The following KCNU1 variants were observed in gnomAD, a reference collection of about 807,000 sequenced individuals.
KCNU1 encodes potassium channel subfamily U member 1.
Under a neutral mutation model 126.8 loss-of-function variants are expected in KCNU1, and 93 were observed. The observed-to-expected ratio is 0.73, with a 90% CI of 0.62 to 0.87. KCNU1 has a LOEUF of 0.87. KCNU1 is among the 40% of genes least tolerant of loss of function. KCNU1 has a pLI of 0.00. For missense variants in KCNU1, 1,330 were observed against 1,367.1 expected (o/e 0.97, Z 0.43); for synonymous variants, 523 against 494.2 (o/e 1.06, Z -0.77).
intron 17 of KCNU1, 33 bp from the exon 18 acceptor site, chr8:36,845,769 A>G (rs538157374): frequency 5.9e-6 from 9 of 1,534,764 alleles, no homozygotes; most frequent in African/African-American, 2.7e-5. Context: ...TAAGACTCAC[A>G]TAATTCATTC....
chr8:36,831,831 G>A (rs1486474988), intron 10 of KCNU1, among the ~76,000 whole-genome samples: 1 of 151,050 alleles, frequency 6.6e-6, no homozygotes, highest in East Asian at 1.9e-4. Context: ...TGAAGTCCTT[G>A]CCCATGCCTG....
rs372023784 is a variant in KCNU1 at position 36,864,480 on chromosome 8, G to A, written c.1968G>A (p.Arg656=). 3.7e-6 allele frequency: 6 copies of A among 1,612,916 alleles called. No individual in the cohort carries two copies. The South Asian group carries it at 5.5e-5, about 15-fold the overall frequency. Residue 656 remains arginine, a synonymous_variant, in exon 19 of 27, where the codon AGG becomes AGA. Transcript: ENST00000399881. ...SRISGQDSPP[R]VSASTSSISN... is the part of the protein sequence containing the mutation. ...TATCAGGGCAGGATTCTCCGCCAAG[G>A]GTATCTGCAAGCACTTCGAGCATAT...
intron 13 of KCNU1, 31 bp downstream of exon 13, chr8:36,836,396 C>T: frequency 1.4e-6 from 2 of 1,385,188 alleles, no homozygotes; most frequent in Non-Finnish European, 2.0e-6. Flanking sequence ...ATTCCATCTC[C>T]TCCTTTTATC....
chr8:36,790,641 T>G (rs1032240495), intron 2 of KCNU1, among the ~76,000 whole-genome samples: 1 of 151,964 alleles, frequency 6.6e-6, no homozygotes, highest in Non-Finnish European at 1.5e-5. Context: ...AAGGAGAAAT[T>G]TAAACAGACC....
intron 19 of KCNU1, among the ~76,000 whole-genome samples, chr8:36,895,935 T>C (rs1181783969): frequency 1.3e-5 from 2 of 152,038 alleles, no homozygotes; most frequent in Admixed American, 6.6e-5. Flanking sequence ...TAGAATCTTA[T>C]GCTCTTGGAG....
chr8:36,894,692 C>T (rs534148629), intron 19 of KCNU1, among the ~76,000 whole-genome samples: 2 of 152,180 alleles, frequency 1.3e-5, no homozygotes, highest in Admixed American at 1.3e-4. Context: ...GAATAGTCTG[C>T]ATGGCACAAC....
intron 10 of KCNU1, among the ~76,000 whole-genome samples, chr8:36,825,516 A>ATTG (rs139703551): frequency 0.028 from 4,301 of 152,098 alleles, 292 homozygotes; most frequent in East Asian, 0.26. Flanking sequence ...CTTCCTTCCT[A>ATTG]TTATGATTTT....
chr8:36,815,617 C>G lies in KCNU1; in HGVS notation c.925C>G (p.Pro309Ala). 2.5e-6 allele frequency: 4 copies of G among 1,586,800 alleles called. No individual in the cohort carries two copies. The highest frequency in any genetic ancestry group is 3.4e-6 in the Non-Finnish European group (4 of 1,163,630). The change falls in exon 9 of 27, where the codon CCT (proline) becomes GCT (alanine). Residue 309 changes from proline to alanine, a missense_variant. Physicochemically the swap from Pro to Ala is conservative, Grantham distance 27 (BLOSUM62 -1). Coordinates refer to ENST00000399881, the MANE Select transcript of KCNU1 (RefSeq NM_001031836.3). ...GSLILFANYI[P>A]EMVELFANKR... Reference sequence around the variant, plus strand: ...TTAGATATTATTTGCGAACTATATACCTGAAATGGTGGAACTGTTTGCTAA... The same window carrying G: ...TTAGATATTATTTGCGAACTATATAGCTGAAATGGTGGAACTGTTTGCTAA...
chr8:36,843,920 G>C (rs376454687), intron 16 of KCNU1, among the ~76,000 whole-genome samples: 3 of 152,270 alleles, frequency 2.0e-5, no homozygotes, highest in Admixed American at 6.5e-5. Context: ...AGAGCAACCA[G>C]CCAAATCATA....
At chr8:36,838,102 A>ATATACATTCC (rs1804820807) in intron 14 of KCNU1, among the ~76,000 whole-genome samples, 1 of 152,246 alleles carries the variant, frequency 6.6e-6, no homozygotes, top group Non-Finnish European at 1.5e-5. Flanking sequence ...AAGAAATGGT[A>ATATACATTCC]GTCAGGGTGG....
chr8:36,908,307 G>T (rs960837691), intron 20 of KCNU1, among the ~76,000 whole-genome samples: 1 of 152,024 alleles, frequency 6.6e-6, no homozygotes, highest in Non-Finnish European at 1.5e-5. Flanking sequence ...GGAGACACAG[G>T]GGCATTGTTA....
Position 36,807,397 on chromosome 8 carries a change from G to C in KCNU1, c.603G>C (p.Leu201Phe), listed in dbSNP as rs1476049626. 6.2e-7 allele frequency: 1 copy of C among 1,613,430 alleles called. No homozygotes were observed. Among genetic ancestry groups the C allele is most frequent in the South Asian group, 1.1e-5 (1 of 91,070 alleles). Reference sequence around the variant, plus strand: ...TAGGTTTAAGGTTCCTAAGAGCCTTGCGCCTGCTAGAACTCCCTCAAATCT... The same window carrying C: ...TAGGTTTAAGGTTCCTAAGAGCCTTCCGCCTGCTAGAACTCCCTCAAATCT... The part of the protein sequence containing the change: ...NWLGLRFLRA[L>F]RLLELPQILQ... The change falls in exon 6 of 27, where the codon TTG becomes TTC. Residue 201 changes from leucine to phenylalanine, a missense_variant. Leu to Phe is a conservative substitution (Grantham distance 22, BLOSUM62 0). Around this residue, in one of 3 missense-constraint regions of KCNU1, gnomAD observed 247 missense variants for 255.4 expected, o/e 0.97. Transcript: ENST00000399881.
intron 19 of KCNU1, among the ~76,000 whole-genome samples, chr8:36,870,444 A>G (rs1267453286): frequency 6.6e-6 from 1 of 152,058 alleles, no homozygotes; most frequent in African/African-American, 2.4e-5. Flanking sequence ...TTTTACTCTC[A>G]GTTCTGTACA....
At chr8:36,927,872 G>A (rs1477349789) in intron 24 of KCNU1, among the ~76,000 whole-genome samples, 1 of 148,930 alleles carries the variant, frequency 6.7e-6, no homozygotes, top group Non-Finnish European at 1.5e-5. Flanking sequence ...TCAACTTGCA[G>A]ATTTTCTTGT....
At chr8:36,923,102 G>A (rs1001802258) in intron 24 of KCNU1, 13 of 455,792 alleles carry the variant, frequency 2.9e-5, no homozygotes, top group South Asian at 1.7e-4. Context: ...CTCATGGGGG[G>A]CATTCTTGAC....
chr8:36,934,032 A>G (rs1808780994), intron 26 of KCNU1, among the ~76,000 whole-genome samples: 1 of 152,114 alleles, frequency 6.6e-6, no homozygotes, highest in African/African-American at 2.4e-5. Context: ...GAAAGATTGG[A>G]AATCCCAATG....
intron 2 of KCNU1, among the ~76,000 whole-genome samples, chr8:36,789,099 G>A (rs1802812352): frequency 6.6e-6 from 1 of 152,154 alleles, no homozygotes; most frequent in African/African-American, 2.4e-5. Context: ...GCTCATGCCT[G>A]TAATCTAGCA....
chr8:36,870,877 T>C (rs1806076499), intron 19 of KCNU1, among the ~76,000 whole-genome samples: 1 of 152,180 alleles, frequency 6.6e-6, no homozygotes, highest in Non-Finnish European at 1.5e-5. Flanking sequence ...ATATGGCCAG[T>C]ATTTCATCTT....
At chr8:36,841,251 C>T (rs1804948034) in intron 16 of KCNU1, among the ~76,000 whole-genome samples, 1 of 151,990 alleles carries the variant, frequency 6.6e-6, no homozygotes, top group African/African-American at 2.4e-5. Flanking sequence ...CCTGCCCCAC[C>T]TCTCTCTCAG....
Sources: gnomAD v4.1 joint callset for allele counts (sites outside exome capture counted in the v4.1 genomes callset) on GRCh38, gnomAD v4.1.1 for gene constraint, gnomAD v4.1.1 regional missense constraint, MANE v1.5 for transcripts, NCBI Gene and HGNC (gene_info 2026-07-23, HGNC 2026-07-21) for gene names.